Variants in IQGAP2 observed in about 807,000 individuals in gnomAD.
IQGAP2 encodes ras GTPase-activating-like protein IQGAP2.
IQGAP2 carries 173 observed loss-of-function variants against 201.3 expected under a neutral mutation model. That is an observed-to-expected ratio of 0.86 (90% CI 0.76 to 0.98). The LOEUF (loss-of-function observed/expected upper bound fraction) is 0.98. Among genes scored for constraint, IQGAP2 ranks in the 50% least tolerant of loss-of-function variants. IQGAP2 has a pLI of 0.00. For synonymous variants in IQGAP2, 675 were observed against 673.9 expected, an observed-to-expected ratio of 1.00 and a Z score of -0.03; for missense variants, 1,687 against 1,864.8, an observed-to-expected ratio of 0.90 and a Z score of 1.76.
intron 2 of IQGAP2, among the ~76,000 whole-genome samples, chr5:76,514,615 T>C (rs1466408580): frequency 1.3e-5 from 2 of 152,234 alleles, no homozygotes; most frequent in African/African-American, 4.8e-5. Context: ...ATCACCTGCA[T>C]CACGTGGTCT....
At chr5:76,559,527 T>C (rs1170179081) in intron 2 of IQGAP2, among the ~76,000 whole-genome samples, 3 of 152,178 alleles carry the variant, frequency 2.0e-5, no homozygotes, top group Admixed American at 6.5e-5. Context: ...GCTTCATTGC[T>C]CTTTTCTCCC....
At chr5:76,590,782 A>G (rs1375982819) in intron 8 of IQGAP2, among the ~76,000 whole-genome samples, 196 bp downstream of exon 8, 1 of 152,194 alleles carries the variant, frequency 6.6e-6, no homozygotes, top group Admixed American at 6.5e-5. Context: ...ATCCCTATAT[A>G]AGGCATAAAA....
intron 26 of IQGAP2, 60 bp from the exon 27 acceptor site, chr5:76,674,417 A>G: frequency 2.0e-6 from 2 of 1,010,022 alleles, no homozygotes; most frequent in South Asian, 1.5e-5. Flanking sequence ...AAAAAAAAGA[A>G]AACTAAAACT....
At chr5:76,697,269 T>A (rs1180378251) in intron 32 of IQGAP2, among the ~76,000 whole-genome samples, 1 of 152,252 alleles carries the variant, frequency 6.6e-6, no homozygotes, top group East Asian at 1.9e-4. Context: ...AAGTTTGTTC[T>A]TTTCTTATTT....
At chr5:76,550,500 G>C (rs1448881027) in intron 2 of IQGAP2, among the ~76,000 whole-genome samples, 1 of 152,096 alleles carries the variant, frequency 6.6e-6, no homozygotes, top group Non-Finnish European at 1.5e-5. Context: ...GGACCCTGCT[G>C]CCTTCCGCAG....
intron 2 of IQGAP2, among the ~76,000 whole-genome samples, chr5:76,505,922 G>C (rs1380868486): frequency 6.6e-6 from 1 of 152,056 alleles, no homozygotes; most frequent in Non-Finnish European, 1.5e-5. Context: ...ACTTTTACAG[G>C]AACTATCATT....
In IQGAP2 at chr5:76,473,474, A is replaced by G. The variant is rs996181894; in HGVS notation, c.146+11805A>G. 6.6e-5 allele frequency among the ~76,000 whole-genome samples: 10 copies of G among 151,030 alleles called. No homozygotes were observed. In the East Asian group the frequency reaches 1.8e-3, roughly 27 times the overall value. ...CTCTTTCTCCTTCTCTCTTTTGCTC[A>G]TTTTAGGCTAGCTCTTTCTTGCTCT... is the stretch of plus-strand genomic sequence containing the variant. On this transcript the variant is annotated intron_variant, in intron 2 of 35. Coordinates refer to ENST00000274364, the MANE Select transcript of IQGAP2 (RefSeq NM_006633.5).
intron 2 of IQGAP2, among the ~76,000 whole-genome samples, chr5:76,549,342 T>C (rs891885679): frequency 1.8e-4 from 28 of 151,770 alleles, no homozygotes; most frequent in Non-Finnish European, 3.4e-4. Flanking sequence ...TGTGTGTGTG[T>C]GTGTGCTTTC....
At chr5:76,516,559 T>C (rs1758338335) in intron 2 of IQGAP2, among the ~76,000 whole-genome samples, 1 of 152,194 alleles carries the variant, frequency 6.6e-6, no homozygotes, top group Admixed American at 6.5e-5. Flanking sequence ...CATTAATTGT[T>C]CAGAGAAACT....
intron 28 of IQGAP2, among the ~76,000 whole-genome samples, chr5:76,678,978 C>CTA (rs1245046051): frequency 6.6e-6 from 1 of 152,156 alleles, no homozygotes; most frequent in Non-Finnish European, 1.5e-5. Context: ...CTTCTTTTCT[C>CTA]TATATATGAA....
At chr5:76,518,688 T>C in intron 2 of IQGAP2, among the ~76,000 whole-genome samples, 1 of 152,224 alleles carries the variant, frequency 6.6e-6, no homozygotes, top group Non-Finnish European at 1.5e-5. Context: ...AAAGTTTCTT[T>C]GAATTTATCA....
At chr5:76,440,852 C>T (rs1232149371) in intron 1 of IQGAP2, among the ~76,000 whole-genome samples, 1 of 151,934 alleles carries the variant, frequency 6.6e-6, no homozygotes, top group Non-Finnish European at 1.5e-5. Context: ...ACCAACATGG[C>T]GAAACCTGTC....
chr5:76,518,857 C>T (rs1484846321), intron 2 of IQGAP2, among the ~76,000 whole-genome samples: 1 of 151,996 alleles, frequency 6.6e-6, no homozygotes. Context: ...GCTTTTGGGT[C>T]CAGTGTTAAC....
At chr5:76,638,265 G>C (rs889411805) in intron 16 of IQGAP2, among the ~76,000 whole-genome samples, 2 of 152,158 alleles carry the variant, frequency 1.3e-5, no homozygotes, top group Admixed American at 1.3e-4. Context: ...TGTAATCCCA[G>C]CTACTTGGAA....
intron 10 of IQGAP2, among the ~76,000 whole-genome samples, chr5:76,599,151 AC>A (rs1747245598): frequency 6.6e-6 from 1 of 152,028 alleles, no homozygotes; most frequent in Non-Finnish European, 1.5e-5. Flanking sequence ...GGAGGCTGAG[AC>A]AGGAGGATCA....
At chr5:76,525,035 G>C (rs540242536) in intron 2 of IQGAP2, among the ~76,000 whole-genome samples, 1 of 152,200 alleles carries the variant, frequency 6.6e-6, no homozygotes, top group Non-Finnish European at 1.5e-5. Context: ...TGCGAGTCTG[G>C]TGTGGTGTTT....
In IQGAP2 at chr5:76,666,938, G is replaced by A. The variant is rs149060236; in HGVS notation, c.2680-1743G>A. Among the ~76,000 whole-genome samples the A allele has an allele frequency of 8.3e-3, 1,264 of 152,164 alleles. 12 individuals carry two copies. The highest frequency in any genetic ancestry group is 0.013 in the Non-Finnish European group (902 of 67,996). On this transcript the variant is annotated intron_variant, in intron 22 of 35. Coordinates refer to ENST00000274364, the MANE Select transcript of IQGAP2 (RefSeq NM_006633.5). ...TTTTCATGGTTTTTGTAGAGACAGG[G>A]TTTTTCCATGTTGCCCAGGCTGATC...
intron 2 of IQGAP2, among the ~76,000 whole-genome samples, chr5:76,501,152 G>A (rs533077447): frequency 6.6e-6 from 1 of 152,196 alleles, no homozygotes; most frequent in Non-Finnish European, 1.5e-5. Flanking sequence ...CAGAAATATA[G>A]TATTTCTGCC....
intron 1 of IQGAP2, among the ~76,000 whole-genome samples, chr5:76,453,707 A>G (rs889665010): frequency 3.9e-5 from 6 of 152,242 alleles, no homozygotes; most frequent in African/African-American, 1.4e-4. Context: ...GGGGCATTAA[A>G]GTTTATGTAA....
Sources: gnomAD v4.1 joint callset for allele counts (sites outside exome capture counted in the v4.1 genomes callset) on GRCh38, gnomAD v4.1.1 for gene constraint, MANE v1.5 for transcripts, NCBI Gene and HGNC (gene_info 2026-07-23, HGNC 2026-07-21) for gene names.